Variants in GAP43 observed in about 807,000 individuals in gnomAD.
GAP43 encodes neuromodulin.
Under a neutral mutation model 18.6 loss-of-function variants are expected in GAP43, and 6 were observed. That is an observed-to-expected ratio of 0.32 (90% confidence interval 0.18 to 0.64). The LOEUF (loss-of-function observed/expected upper bound fraction) is 0.64, where lower values mean the gene tolerates loss of function less well. GAP43 is among the 30% of genes least tolerant of loss of function. GAP43 has a pLI of 0.78. For missense variants in GAP43, 292 were observed against 295.5 expected, an observed-to-expected ratio of 0.99 and a Z score of 0.09; for synonymous variants, 115 against 111.4, an observed-to-expected ratio of 1.03 and a Z score of -0.20.
chr3:115,683,581 G>T (rs901831997), intron 2 of GAP43, among the ~76,000 whole-genome samples: 1 of 135,874 alleles, frequency 7.4e-6, no homozygotes, highest in Admixed American at 8.0e-5. Context: ...ATAGCCTATA[G>T]ACAGCCATAA....
intron 2 of GAP43, among the ~76,000 whole-genome samples, chr3:115,683,990 T>C (rs530865213): frequency 3.3e-5 from 5 of 152,308 alleles, no homozygotes; most frequent in African/African-American, 1.2e-4. Context: ...CTCACACTTA[T>C]TTGTAATCAC....
In GAP43 at chr3:115,676,296, G is replaced by A; in HGVS notation, c.314G>A (p.Gly105Glu). Residue 105 changes from glycine (G) to glutamate (E), a missense_variant, in exon 2 of 3, where the codon GGA (glycine) becomes GAA (glutamate). Gly to Glu is a moderately conservative substitution (Grantham distance 98). Transcript: ENST00000305124. Reference protein sequence around the residue: ...GSKPDEPGKAGETPSEEKKGE... With the variant: ...GSKPDEPGKAEETPSEEKKGE... The stretch of plus-strand genomic sequence containing the variant: ...AAGCCTGATGAGCCCGGCAAAGCAG[G>A]AGAAACTCCTTCCGAGGAGAAGAAG... 6.2e-7 allele frequency: 1 copy of A among 1,614,160 alleles called. No homozygotes were observed. The highest frequency in any genetic ancestry group is 1.1e-5 in the South Asian group (1 of 91,074).
At chr3:115,655,260 G>T (rs550024177) in intron 1 of GAP43, among the ~76,000 whole-genome samples, 1 of 152,102 alleles carries the variant, frequency 6.6e-6, no homozygotes, top group African/African-American at 2.4e-5. Context: ...CAGGGATCAG[G>T]GTTCCTGAAA....
chr3:115,645,283 C>T (rs1002958499), intron 1 of GAP43, among the ~76,000 whole-genome samples: 1 of 152,086 alleles, frequency 6.6e-6, no homozygotes, highest in East Asian at 1.9e-4. Context: ...GGCTTTGGTG[C>T]AGTATCTCCA....
chr3:115,636,522 TACC>T (rs1413721819), intron 1 of GAP43, among the ~76,000 whole-genome samples: 1 of 152,118 alleles, frequency 6.6e-6, no homozygotes, highest in Non-Finnish European at 1.5e-5. Flanking sequence ...ACCAGTTATA[TACC>T]ATCCTTGGAA....
At chr3:115,702,674 G>A (rs1709310605) in intron 2 of GAP43, among the ~76,000 whole-genome samples, 1 of 152,024 alleles carries the variant, frequency 6.6e-6, no homozygotes, top group Non-Finnish European at 1.5e-5. Flanking sequence ...AGGTAATTTT[G>A]TGTTGTTTTG....
At chr3:115,667,327 A>G (rs1708746679) in intron 1 of GAP43, among the ~76,000 whole-genome samples, 1 of 152,208 alleles carries the variant, frequency 6.6e-6, no homozygotes, top group African/African-American at 2.4e-5. Context: ...GAGTGACAAC[A>G]TTTGAAGAAG....
chr3:115,625,984 A>G (rs893200715), intron 1 of GAP43, among the ~76,000 whole-genome samples: 1 of 152,216 alleles, frequency 6.6e-6, no homozygotes, highest in South Asian at 2.1e-4. Flanking sequence ...TGAAATGGTC[A>G]TGTCTCTTAT....
Position 115,623,536 on chromosome 3 carries a change from G to T in GAP43, c.-154G>T. On this transcript the variant is annotated 5_prime_UTR_variant, in exon 1 of 3. Coordinates refer to ENST00000305124, the MANE Select transcript of GAP43 (RefSeq NM_002045.4). Reference sequence around the variant, plus strand: ...CAGTTGCTGCTAACTGCCCTGGTGTGTGTGAGGGAGAGAGAGGGAGGGAGG... The same window carrying T: ...CAGTTGCTGCTAACTGCCCTGGTGTTTGTGAGGGAGAGAGAGGGAGGGAGG... 2.5e-6 allele frequency: 2 copies of T among 810,722 alleles called. No homozygotes were observed. The highest frequency in any genetic ancestry group is 2.6e-5 in the East Asian group (1 of 37,738). The allele number at this position is 810,722 out of a possible 1,614,324, so 50.2% of individuals were successfully genotyped here.
chr3:115,674,178 G>A (rs998888697), intron 1 of GAP43, among the ~76,000 whole-genome samples: 10 of 152,166 alleles, frequency 6.6e-5, no homozygotes, highest in East Asian at 5.8e-4. Flanking sequence ...AAGAGGCGCC[G>A]AACATGTTAC....
chr3:115,674,744 G>A (rs978909372), intron 1 of GAP43, among the ~76,000 whole-genome samples: 8 of 152,128 alleles, frequency 5.3e-5, no homozygotes, highest in African/African-American at 1.7e-4. Context: ...TGGACCACAC[G>A]CAAGAGAAAG....
intron 2 of GAP43, among the ~76,000 whole-genome samples, chr3:115,699,308 C>T (rs191015883): frequency 1.0e-3 from 156 of 152,308 alleles, no homozygotes; most frequent in Non-Finnish European, 1.7e-3. Context: ...TTTGTTTTCA[C>T]TTGTTCTCTC....
chr3:115,685,503 A>G (rs1453464303), intron 2 of GAP43, among the ~76,000 whole-genome samples: 5 of 152,240 alleles, frequency 3.3e-5, no homozygotes, highest in African/African-American at 9.6e-5. Context: ...GTGTTGGGAC[A>G]CAGACCAGTA....
At chr3:115,701,859 T>G (rs1025250831) in intron 2 of GAP43, among the ~76,000 whole-genome samples, 1 of 152,142 alleles carries the variant, frequency 6.6e-6, no homozygotes. Flanking sequence ...ATTGCTAGAT[T>G]CAATTCTCTT....
At chr3:115,645,619 AC>A (rs1559790954) in intron 1 of GAP43, among the ~76,000 whole-genome samples, 1 of 147,944 alleles carries the variant, frequency 6.8e-6, no homozygotes, top group Non-Finnish European at 1.5e-5. Context: ...TGGAAAAAAA[AC>A]CCAAAAATGA....
intron 2 of GAP43, among the ~76,000 whole-genome samples, chr3:115,688,244 C>G (rs917724471): frequency 6.6e-6 from 1 of 152,056 alleles, no homozygotes; most frequent in African/African-American, 2.4e-5. Flanking sequence ...GTCTCAAGCT[C>G]CTGGCCTCAA....
intron 2 of GAP43, among the ~76,000 whole-genome samples, chr3:115,719,244 G>A (rs1709547734): frequency 6.7e-6 from 1 of 149,700 alleles, no homozygotes; most frequent in South Asian, 2.2e-4. Flanking sequence ...TAAGACAGAG[G>A]CATCGTCAAT....
At chr3:115,631,511 C>T (rs889147157) in intron 1 of GAP43, among the ~76,000 whole-genome samples, 8 of 152,184 alleles carry the variant, frequency 5.3e-5, no homozygotes, top group Non-Finnish European at 8.8e-5. Context: ...TTTCATAGAT[C>T]GAGCACTAAA....
chr3:115,643,107 TA>T (rs1207744577), intron 1 of GAP43, among the ~76,000 whole-genome samples: 1 of 152,090 alleles, frequency 6.6e-6, no homozygotes, highest in Non-Finnish European at 1.5e-5. Context: ...AAAGGTTGAA[TA>T]AAAATTTCAG....
Sources: gnomAD v4.1 joint callset for allele counts (sites outside exome capture counted in the v4.1 genomes callset) on GRCh38, gnomAD v4.1.1 for gene constraint, MANE v1.5 for transcripts, NCBI Gene and HGNC (gene_info 2026-07-23, HGNC 2026-07-21) for gene names.